KCNAB1: variants seen among roughly 807,000 people sequenced by gnomAD.
The protein encoded by KCNAB1 is voltage-gated potassium channel subunit beta-1.
Under a neutral mutation model 64.6 loss-of-function variants are expected in KCNAB1, and 35 were observed. The observed-to-expected ratio is 0.54, with a 90% CI of 0.41 to 0.72. KCNAB1 has a LOEUF of 0.72. Ranked by LOEUF, KCNAB1 falls within the 30% of genes least tolerant of loss-of-function variation. KCNAB1 has a pLI of 0.00. For missense variants in KCNAB1, 401 were observed against 512.9 expected (o/e 0.78, Z 2.11); for synonymous variants, 177 against 183.8 (o/e 0.96, Z 0.30).
chr3:156,517,932 T>C (rs553907461), intron 11 of KCNAB1, among the ~76,000 whole-genome samples: 51 of 152,322 alleles, frequency 3.3e-4, no homozygotes, highest in African/African-American at 1.2e-3. Flanking sequence ...CTCCTGGCTC[T>C]CAAGTTAATT....
intron 1 of KCNAB1, among the ~76,000 whole-genome samples, chr3:156,284,955 G>C (rs1720011915): frequency 6.6e-6 from 1 of 152,210 alleles, no homozygotes; most frequent in Non-Finnish European, 1.5e-5. Context: ...CTGTAGACCA[G>C]AGCTGTTCCT....
At chr3:156,445,011 G>GGAT (rs1200825051) in intron 2 of KCNAB1, among the ~76,000 whole-genome samples, 2 of 152,190 alleles carry the variant, frequency 1.3e-5, no homozygotes, top group Non-Finnish European at 2.9e-5. Flanking sequence ...GTAAAGAAAA[G>GGAT]GATGGGCTGG....
intron 2 of KCNAB1, among the ~76,000 whole-genome samples, chr3:156,444,827 G>A (rs1171323172): frequency 6.6e-6 from 1 of 152,180 alleles, no homozygotes; most frequent in African/African-American, 2.4e-5. Context: ...AAATAACAGT[G>A]CCCTCTCTAC....
chr3:156,124,392 T>G (rs888756638), intron 1 of KCNAB1, among the ~76,000 whole-genome samples: 3 of 151,912 alleles, frequency 2.0e-5, no homozygotes, highest in Non-Finnish European at 4.4e-5. Flanking sequence ...AATTTTTGTA[T>G]TTTTAGTAGA....
chr3:156,535,914 A>G (rs1025851310), intron 13 of KCNAB1, among the ~76,000 whole-genome samples: 2 of 151,880 alleles, frequency 1.3e-5, no homozygotes, highest in African/African-American at 4.8e-5. Flanking sequence ...TAAAGTGGGG[A>G]CTCCATAAAA....
rs1277101835 is a variant in KCNAB1, at chr3:156,536,785, A to G, written c.*38A>G. 7.1e-7 allele frequency: 1 copy of G among 1,404,756 alleles called. No individual in the cohort carries two copies. Among genetic ancestry groups the G allele is most frequent in the South Asian group, 1.1e-5 (1 of 87,084 alleles). The allele number at this position is 1,404,756 out of a possible 1,614,324, so 87.0% of individuals were successfully genotyped here. On this transcript the variant is annotated 3_prime_UTR_variant, in exon 14 of 14. Transcript: ENST00000490337. ...ACCACAGAAGCTGCATGGTTAAAAT[A>G]GCGGCCTGTGCCCAGTACAGAAAGG... is the stretch of plus-strand genomic sequence containing the variant.
intron 2 of KCNAB1, among the ~76,000 whole-genome samples, chr3:156,436,071 C>T (rs1189797595): frequency 6.6e-6 from 1 of 152,118 alleles, no homozygotes; most frequent in African/African-American, 2.4e-5. Context: ...TCTCCCTACC[C>T]CTGCCCACCC....
chr3:156,500,171 G>T (rs1716300663), intron 8 of KCNAB1, among the ~76,000 whole-genome samples: 3 of 152,190 alleles, frequency 2.0e-5, no homozygotes, highest in Non-Finnish European at 4.4e-5. Context: ...TTCTTGGAAT[G>T]ATGAAGCAGA....
chr3:156,238,444 G>C (rs111468205), intron 1 of KCNAB1, among the ~76,000 whole-genome samples: 14,266 of 147,082 alleles, frequency 0.097, 1,038 homozygotes, highest in Non-Finnish European at 0.15. Flanking sequence ...AAAAAAAAAG[G>C]GTTCCCTTTT....
chr3:156,215,919 C>T (rs1208101506), intron 1 of KCNAB1, among the ~76,000 whole-genome samples: 1 of 152,160 alleles, frequency 6.6e-6, no homozygotes, highest in Non-Finnish European at 1.5e-5. Context: ...AGCTGGTGCT[C>T]AGTGTGGTAT....
chr3:156,122,559 T>A (rs1713411249), intron 1 of KCNAB1, among the ~76,000 whole-genome samples: 1 of 152,260 alleles, frequency 6.6e-6, no homozygotes, highest in Non-Finnish European at 1.5e-5. Context: ...TATTTTGTTC[T>A]GTAATCAGAA....
intron 1 of KCNAB1, among the ~76,000 whole-genome samples, chr3:156,225,783 A>G (rs1316275194): frequency 6.6e-6 from 1 of 152,230 alleles, no homozygotes; most frequent in African/African-American, 2.4e-5. Flanking sequence ...AACAGCGACC[A>G]AGCTGAGAAT....
intron 12 of KCNAB1, among the ~76,000 whole-genome samples, chr3:156,524,746 C>CAAAAAAAAA (rs10553136): frequency 4.0e-5 from 3 of 74,456 alleles, no homozygotes; most frequent in Non-Finnish European, 4.5e-5. Context: ...GACTCCATCT[C>CAAAAAAAAA]AAAAAAAAAA....
At chr3:156,166,322 T>C (rs984119741) in intron 1 of KCNAB1, among the ~76,000 whole-genome samples, 2 of 152,066 alleles carry the variant, frequency 1.3e-5, no homozygotes, top group African/African-American at 2.4e-5. Flanking sequence ...TTTTAATACA[T>C]AAAAAGGGTC....
chr3:156,177,972 G>A (rs1478432184), intron 1 of KCNAB1, among the ~76,000 whole-genome samples: 1 of 151,994 alleles, frequency 6.6e-6, no homozygotes, highest in Non-Finnish European at 1.5e-5. Flanking sequence ...TCCTGACTTC[G>A]TGATCCACCC....
intron 2 of KCNAB1, among the ~76,000 whole-genome samples, chr3:156,426,106 C>A (rs889482298): frequency 6.6e-6 from 1 of 152,046 alleles, no homozygotes; most frequent in Non-Finnish European, 1.5e-5. Flanking sequence ...TTATAAGAAC[C>A]CTTGTTTGCC....
chr3:156,523,613 A>C, intron 11 of KCNAB1: 1 of 502,330 alleles, frequency 2.0e-6, no homozygotes, highest in South Asian at 2.4e-5. Context: ...TTGAATGGTG[A>C]ATATTAGTCA....
intron 1 of KCNAB1, among the ~76,000 whole-genome samples, chr3:156,360,726 TAA>T (rs879725781): frequency 1.8e-4 from 25 of 140,282 alleles, no homozygotes; most frequent in Admixed American, 1.4e-4. Context: ...TCCCTCTATT[TAA>T]AAAAAAAAAA....
intron 1 of KCNAB1, among the ~76,000 whole-genome samples, chr3:156,130,711 C>T (rs78748028): frequency 0.014 from 2,123 of 152,300 alleles, 24 homozygotes; most frequent in South Asian, 0.039. Context: ...TTAGTAATTT[C>T]ACTTTTCACC....
Sources: allele counts gnomAD v4.1 joint callset (sites outside exome capture counted in the v4.1 genomes callset), GRCh38; gene constraint gnomAD v4.1.1; transcripts MANE v1.5; gene names NCBI Gene and HGNC (gene_info 2026-07-23, HGNC 2026-07-21).